The following PCDH11X variants were observed in gnomAD, a reference collection of about 807,000 sequenced individuals.
PCDH11X encodes protocadherin 11 X-linked, also known as protocadherin-11 X-linked.
A neutral mutation model predicts 53.3 loss-of-function variants in PCDH11X; 18 were observed. The observed-to-expected ratio is 0.34, with a 90% CI of 0.23 to 0.50. The LOEUF is 0.50. Among genes scored for constraint, PCDH11X ranks in the 20% least tolerant of loss-of-function variants. The pLI is 0.98. For missense variants in PCDH11X, 570 were observed against 1,032.4 expected (o/e 0.55, Z 6.14); for synonymous variants, 279 against 393.3 (o/e 0.71, Z 3.44).
chrX:91,870,927 T>G (rs1285960484), intron 5 of PCDH11X, among the ~76,000 whole-genome samples: 5 of 111,162 alleles, frequency 4.5e-5, no homozygotes. Flanking sequence ...TTGGTGACAT[T>G]AGGGTTATCG....
At chrX:92,002,088 G>T (rs1602654481) in intron 6 of PCDH11X, among the ~76,000 whole-genome samples, 1 of 104,745 alleles carries the variant, frequency 9.5e-6, no homozygotes, top group South Asian at 4.6e-4. Flanking sequence ...TATGGCAAGA[G>T]ATAGAGGTTT....
At chrX:92,423,110 A>G (rs12014298) in intron 9 of PCDH11X, among the ~76,000 whole-genome samples, 13,711 of 97,221 alleles carry the variant, frequency 0.14, 987 homozygotes, top group African/African-American at 0.21. Flanking sequence ...TCAGCCTCCC[A>G]AAGTGCTGGG....
rs189252861 is a variant in PCDH11X at position 92,379,482 on chromosome X, G to T, written c.3145-8253G>T. 8.7e-4 allele frequency among the ~76,000 whole-genome samples: 98 copies of T among 113,065 alleles called. No individual in the cohort carries two copies. The Middle Eastern group carries it at 0.014, about 16-fold the overall frequency. ...GGCATGGGCCTGAAGGTGCCCTTTG[G>T]CATGAACAGCCTGGGTGCCATAGAT... On this transcript the variant is annotated intron_variant, in intron 8 of 10. Transcript: ENST00000682573.
intron 6 of PCDH11X, among the ~76,000 whole-genome samples, chrX:91,888,758 A>G (rs1190294250): frequency 1.3e-4 from 14 of 111,986 alleles, no homozygotes; most frequent in Non-Finnish European, 2.4e-4. Context: ...TCATTAGTCA[A>G]TTAGAGAAAA....
At chrX:92,098,482 G>T (rs1428664250) in intron 6 of PCDH11X, among the ~76,000 whole-genome samples, 3 of 110,847 alleles carry the variant, frequency 2.7e-5, no homozygotes, top group African/African-American at 9.8e-5. Context: ...ACCAAAAGAT[G>T]ATGTTTGAAT....
At chrX:91,908,804 C>CAA (rs202059670) in intron 6 of PCDH11X, among the ~76,000 whole-genome samples, 6 of 79,616 alleles carry the variant, frequency 7.5e-5, no homozygotes, top group African/African-American at 2.8e-4. Context: ...GACTCTGTCT[C>CAA]AAAAAAAAAA....
chrX:92,210,730 G>T (rs2066569928), intron 7 of PCDH11X, among the ~76,000 whole-genome samples: 1 of 111,596 alleles, frequency 9.0e-6, no homozygotes, highest in African/African-American at 3.3e-5. Flanking sequence ...TCTTCCACCA[G>T]ATACCCTAAA....
intron 9 of PCDH11X, among the ~76,000 whole-genome samples, chrX:92,392,890 A>G (rs1392697796): frequency 9.2e-6 from 1 of 108,187 alleles, no homozygotes; most frequent in Non-Finnish European, 1.9e-5. Flanking sequence ...ATATGATTCA[A>G]TTATAGAAAA....
At chrX:92,403,223 A>T (rs763048050) in intron 9 of PCDH11X, among the ~76,000 whole-genome samples, 2 of 108,047 alleles carry the variant, frequency 1.9e-5, no homozygotes, top group Admixed American at 2.0e-4. Context: ...AGTTTTCAAA[A>T]CTCCTATTTT....
intron 6 of PCDH11X, among the ~76,000 whole-genome samples, chrX:91,889,622 G>T (rs750914127): frequency 4.9e-4 from 55 of 111,773 alleles, no homozygotes; most frequent in Admixed American, 1.5e-3. Flanking sequence ...CAAATAATTG[G>T]TTTTTTTACA....
intron 8 of PCDH11X, among the ~76,000 whole-genome samples, chrX:92,313,825 T>A (rs1419952203): frequency 9.0e-6 from 1 of 111,453 alleles, no homozygotes; most frequent in Non-Finnish European, 1.9e-5. Flanking sequence ...TATCTAAGCC[T>A]AGAAAAAGTA....
chrX:91,829,413 TACACACACACACAC>T (rs756637346), intron 4 of PCDH11X, among the ~76,000 whole-genome samples: 2 of 81,199 alleles, frequency 2.5e-5, no homozygotes, highest in Non-Finnish European at 4.6e-5. Flanking sequence ...ATATATATAT[TACACACACACACAC>T]ACACACACAC....
chrX:92,579,925 G>A (rs1205849286), intron 10 of PCDH11X, among the ~76,000 whole-genome samples: 1 of 110,324 alleles, frequency 9.1e-6, no homozygotes, highest in Non-Finnish European at 1.9e-5. Flanking sequence ...TGGAGTTTTT[G>A]TGGGGTCTTT....
At chrX:92,076,164 T>G (rs1396950171) in intron 6 of PCDH11X, among the ~76,000 whole-genome samples, 1 of 107,693 alleles carries the variant, frequency 9.3e-6, no homozygotes, top group Non-Finnish European at 1.9e-5. Context: ...GAGAAAAAAT[T>G]CCGTGTAAGG....
At chrX:92,571,402 AAAAT>A (rs1027839998) in intron 10 of PCDH11X, among the ~76,000 whole-genome samples, 3 of 111,200 alleles carry the variant, frequency 2.7e-5, no homozygotes, top group African/African-American at 9.8e-5. Context: ...ATAACACTTT[AAAAT>A]AAAATAATAT....
chrX:92,259,422 G>A (rs897091407), intron 7 of PCDH11X, among the ~76,000 whole-genome samples: 12 of 111,302 alleles, frequency 1.1e-4, no homozygotes, highest in Non-Finnish European at 1.3e-4. Flanking sequence ...AGGCAAAGGG[G>A]TAGCAGCACT....
chrX:92,419,965 C>T (rs1308218512), intron 9 of PCDH11X, among the ~76,000 whole-genome samples: 1 of 111,100 alleles, frequency 9.0e-6, no homozygotes, highest in Non-Finnish European at 1.9e-5. Flanking sequence ...CAGGCGTGAG[C>T]CACCACGCCC....
At chrX:92,141,634 T>C (rs1303470546) in intron 6 of PCDH11X, among the ~76,000 whole-genome samples, 2 of 112,008 alleles carry the variant, frequency 1.8e-5, no homozygotes, top group Admixed American at 9.6e-5. Flanking sequence ...ATCACAGTTA[T>C]GTTGCTATTT....
intron 6 of PCDH11X, among the ~76,000 whole-genome samples, chrX:92,116,636 G>A (rs1235617022): frequency 1.8e-5 from 2 of 111,189 alleles, no homozygotes; most frequent in Non-Finnish European, 3.8e-5. Context: ...GCCCAGGCTG[G>A]AGTGCAGAGG....
Sources: allele counts gnomAD v4.1 joint callset (sites outside exome capture counted in the v4.1 genomes callset), GRCh38; gene constraint gnomAD v4.1.1; transcripts MANE v1.5; gene names NCBI Gene and HGNC (gene_info 2026-07-23, HGNC 2026-07-21).